Variants in BMP5 observed in about 807,000 individuals in gnomAD.
BMP5 encodes bone morphogenetic protein 5.
Under a neutral mutation model 46.6 loss-of-function variants are expected in BMP5, and 23 were observed. That is an observed-to-expected ratio of 0.49 (90% CI 0.35 to 0.70). The LOEUF is 0.70. Among genes scored for constraint, BMP5 ranks in the 30% least tolerant of loss-of-function variants. The pLI is 0.00. For missense variants in BMP5, 545 were observed against 565.6 expected, an observed-to-expected ratio of 0.96 and a Z score of 0.37; for synonymous variants, 204 against 191.9, an observed-to-expected ratio of 1.06 and a Z score of -0.52.
At chr6:55,870,345 GTGT>G (rs1188941732) in intron 1 of BMP5, among the ~76,000 whole-genome samples, 1 of 152,056 alleles carries the variant, frequency 6.6e-6, no homozygotes, top group African/African-American at 2.4e-5. Flanking sequence ...TGAATGTGAA[GTGT>G]TGTTGAAGAA....
chr6:55,764,160 C>G (rs1461107435), intron 4 of BMP5, among the ~76,000 whole-genome samples: 1 of 152,182 alleles, frequency 6.6e-6, no homozygotes, highest in African/African-American at 2.4e-5. Context: ...TACATCTGCA[C>G]TCCCATATTG....
intron 3 of BMP5, among the ~76,000 whole-genome samples, chr6:55,775,850 G>A (rs1775161394): frequency 6.6e-6 from 1 of 151,474 alleles, no homozygotes; most frequent in African/African-American, 2.4e-5. Context: ...ATGAGACCGT[G>A]TCGTATAAGG....
chr6:55,777,472 A>C (rs547233456), intron 3 of BMP5, among the ~76,000 whole-genome samples: 57 of 152,128 alleles, frequency 3.7e-4, no homozygotes, highest in African/African-American at 1.3e-3. Flanking sequence ...AGTAGTTTCT[A>C]GTTTAAAAAC....
At chr6:55,803,392 G>A (rs1053454020) in intron 2 of BMP5, among the ~76,000 whole-genome samples, 2 of 151,982 alleles carry the variant, frequency 1.3e-5, no homozygotes, top group African/African-American at 2.4e-5. Context: ...ATGGACTGTT[G>A]TGACTATGTA....
chr6:55,778,410 T>C (rs780167519), intron 3 of BMP5, among the ~76,000 whole-genome samples: 28 of 152,108 alleles, frequency 1.8e-4, no homozygotes, highest in Non-Finnish European at 1.5e-4. Context: ...CAAAGAAACA[T>C]TGTTTATTCC....
At chr6:55,780,476 AAGAAAG>A (rs1562034460) in intron 3 of BMP5, among the ~76,000 whole-genome samples, 26 of 137,186 alleles carry the variant, frequency 1.9e-4, no homozygotes, top group African/African-American at 7.2e-4. Flanking sequence ...AAAAAAAAGA[AAGAAAG>A]AAAGAAAGAA....
intron 4 of BMP5, among the ~76,000 whole-genome samples, chr6:55,765,196 G>T (rs2127517603): frequency 6.6e-6 from 1 of 152,020 alleles, no homozygotes; most frequent in South Asian, 2.1e-4. Flanking sequence ...GCTGTGAACT[G>T]GACAAAGACA....
At chr6:55,781,187 T>C (rs1775307239) in intron 3 of BMP5, among the ~76,000 whole-genome samples, 1 of 152,128 alleles carries the variant, frequency 6.6e-6, no homozygotes, top group Non-Finnish European at 1.5e-5. Flanking sequence ...CAGTTGGTCT[T>C]ATAGCCCTCA....
intron 1 of BMP5, among the ~76,000 whole-genome samples, chr6:55,845,785 G>C (rs1483687368): frequency 6.6e-6 from 1 of 151,910 alleles, no homozygotes; most frequent in Non-Finnish European, 1.5e-5. Flanking sequence ...ATTCCTTCAT[G>C]TCAGTCTTCT....
chr6:55,822,342 A>C (rs1776429114), intron 1 of BMP5, among the ~76,000 whole-genome samples: 1 of 152,170 alleles, frequency 6.6e-6, no homozygotes, highest in Non-Finnish European at 1.5e-5. Flanking sequence ...ACTGACATGA[A>C]GTGATTTAAA....
chr6:55,769,091 G>T (rs1774984521), intron 4 of BMP5, among the ~76,000 whole-genome samples: 1 of 151,946 alleles, frequency 6.6e-6, no homozygotes, highest in African/African-American at 2.4e-5. Flanking sequence ...CCTGCTGACT[G>T]ATCAGGTTGG....
intron 1 of BMP5, among the ~76,000 whole-genome samples, chr6:55,842,009 C>A (rs1442136616): frequency 6.6e-6 from 1 of 151,976 alleles, no homozygotes; most frequent in African/African-American, 2.4e-5. Flanking sequence ...ATATCTGTAT[C>A]ATCTTGCAGT....
chr6:55,808,434 C>T (rs7763797), intron 2 of BMP5, among the ~76,000 whole-genome samples: 11,499 of 152,182 alleles, frequency 0.076, 483 homozygotes, highest in Middle Eastern at 0.14. Flanking sequence ...CCGGTGTTGG[C>T]TCTCACCCTC....
chr6:55,833,964 T>C (rs561989680), intron 1 of BMP5, among the ~76,000 whole-genome samples: 18 of 152,298 alleles, frequency 1.2e-4, no homozygotes, highest in African/African-American at 4.1e-4. Flanking sequence ...TAATTTCATT[T>C]AATACAATAT....
rs1774510854 is a variant in BMP5 at position 55,753,690 on chromosome 6, A to G, written c.*1843T>C. ...ACATTTAATAGTGAGATAATTATTA[A>G]CAACACAAAAAACAATTTTGGCAAT... On this transcript the variant is annotated 3_prime_UTR_variant, in exon 7 of 7. Transcript: ENST00000370830. 6.6e-6 allele frequency: 1 copy of G among 151,780 alleles called. No individual in the cohort carries two copies. Among genetic ancestry groups the G allele is most frequent in the African/African-American group, 2.4e-5 (1 of 41,426 alleles). 9.4% of individuals were successfully genotyped at this position (151,780 alleles called of 1,614,324 possible).
intron 2 of BMP5, among the ~76,000 whole-genome samples, chr6:55,799,603 T>A (rs1275960396): frequency 6.6e-6 from 1 of 152,222 alleles, no homozygotes; most frequent in East Asian, 1.9e-4. Context: ...GGAAGCCCTC[T>A]AATATTTTCA....
At chr6:55,846,833 T>G (rs890944375) in intron 1 of BMP5, among the ~76,000 whole-genome samples, 1 of 150,978 alleles carries the variant, frequency 6.6e-6, no homozygotes, top group Non-Finnish European at 1.5e-5. Context: ...ATATATAATA[T>G]TTAATAATTT....
At chr6:55,850,167 A>G (rs1005094021) in intron 1 of BMP5, among the ~76,000 whole-genome samples, 2 of 152,110 alleles carry the variant, frequency 1.3e-5, no homozygotes, top group African/African-American at 4.8e-5. Flanking sequence ...CTTGACTTTT[A>G]GCTTTTATTC....
At position 55,753,950 on chromosome 6, in the gene BMP5, C is replaced by G. The variant is rs1254408826; in HGVS notation, c.*1583G>C. 6.6e-6 allele frequency: 1 copy of G among 151,784 alleles called. No homozygotes were observed. The highest frequency in any genetic ancestry group is 2.4e-5 in the African/African-American group (1 of 41,370). 9.4% of individuals were successfully genotyped at this position (151,784 alleles called of 1,614,324 possible). A position where few individuals can be genotyped will look rare whatever the true frequency, so the allele number is the denominator to read the frequency against. ...CATTTCTTATTCTCTCAATGGTACA[C>G]CATTAATTAAAAATATATTACTTAA... is the stretch of plus-strand genomic sequence containing the variant. On this transcript the variant is annotated 3_prime_UTR_variant, in exon 7 of 7. Coordinates refer to ENST00000370830, the MANE Select transcript of BMP5 (RefSeq NM_021073.4).
Sources: gnomAD v4.1 joint callset for allele counts (sites outside exome capture counted in the v4.1 genomes callset) on GRCh38, gnomAD v4.1.1 for gene constraint, MANE v1.5 for transcripts, NCBI Gene and HGNC (gene_info 2026-07-23, HGNC 2026-07-21) for gene names.